Variants in TNFRSF8 observed in about 807,000 individuals in gnomAD.
The protein encoded by TNFRSF8 is TNF receptor superfamily member 8.
TNFRSF8 carries 26 observed loss-of-function variants against 70.8 expected under a neutral mutation model. The observed-to-expected ratio is 0.37, with a 90% CI of 0.27 to 0.51. The LOEUF is 0.51. Among genes scored for constraint, TNFRSF8 ranks in the 20% least tolerant of loss-of-function variants. TNFRSF8 has a pLI of 0.94. For synonymous variants in TNFRSF8, 356 were observed against 339.2 expected, an observed-to-expected ratio of 1.05 and a Z score of -0.54; for missense variants, 720 against 807.9, an observed-to-expected ratio of 0.89 and a Z score of 1.32.
rs115071460 is a variant in TNFRSF8 at position 12,113,316 on chromosome 1, C to T, written c.793+1302C>T. On this transcript the variant is annotated intron_variant, in intron 7 of 14. Coordinates refer to ENST00000263932, the MANE Select transcript of TNFRSF8 (RefSeq NM_001243.5). This position sits in a 1 kb window ranked among gnomAD's most constrained non-coding sequence, Gnocchi z 4.9. ...TGGTCTGGTGGTTAGGTTCTAAAGG[C>T]GAAGTCTTTTTCTCTTTTTTTCTTT... Among the ~76,000 whole-genome samples, 2,619 of 152,256 alleles carry T rather than the reference C, an allele frequency of 0.017. 81 individuals are homozygous for T. Among genetic ancestry groups the T allele is most frequent in the African/African-American group, 0.06 (2,488 of 41,548 alleles).
In TNFRSF8 at chr1:12,123,492, G is replaced by C. The variant is rs576286123; in HGVS notation, c.1040+115G>C. Reference sequence around the variant, plus strand: ...TGGGGGTGGAGGTGGGGCCTGGGCTGCTCTTTTGTTAAATGTGTGCCCATC... The same window carrying C: ...TGGGGGTGGAGGTGGGGCCTGGGCTCCTCTTTTGTTAAATGTGTGCCCATC... On this transcript the variant is annotated intron_variant, in intron 9 of 14. Coordinates refer to ENST00000263932, the MANE Select transcript of TNFRSF8 (RefSeq NM_001243.5). 153 of 1,082,214 alleles carry C rather than the reference G, an allele frequency of 1.4e-4. 2 individuals carry two copies. The African/African-American group carries it at 2.2e-3, about 15-fold the overall frequency. 67.0% of individuals were successfully genotyped at this position (1,082,214 alleles called of 1,614,324 possible).
chr1:12,104,262 C>T (rs1641476180), intron 3 of TNFRSF8, 117 bp from the exon 4 acceptor site: 1 of 1,091,500 alleles, frequency 9.2e-7, no homozygotes, highest in Admixed American at 1.9e-5. Flanking sequence ...GGGGGTTGAG[C>T]TGGGAGGCGG....
At position 12,127,748 on chromosome 1, in the gene TNFRSF8, G is replaced by A. The variant is rs116509731; in HGVS notation, c.1309+1512G>A. ...GGCTGAGTGTCTCATTGAAACCGGC[G>A]TTTGCTTTCTTGACATTTTTCTAGT... On this transcript the variant is annotated intron_variant, in intron 12 of 14. Transcript: ENST00000263932. Among the ~76,000 whole-genome samples, 1,083 of 152,254 alleles carry A rather than the reference G, an allele frequency of 7.1e-3. 12 individuals carry two copies. Among genetic ancestry groups the A allele is most frequent in the African/African-American group, 0.025 (1,044 of 41,522 alleles).
At chr1:12,139,559 C>T (rs1015300437) in intron 14 of TNFRSF8, among the ~76,000 whole-genome samples, 1 of 152,194 alleles carries the variant, frequency 6.6e-6, no homozygotes, top group South Asian at 2.1e-4. Context: ...TGTTTATAGC[C>T]TTCCTCCACC....
intron 1 of TNFRSF8, among the ~76,000 whole-genome samples, chr1:12,072,954 C>T (rs1001215929): frequency 6.6e-6 from 1 of 152,226 alleles, no homozygotes; most frequent in East Asian, 1.9e-4. Flanking sequence ...ATGTGCCCTG[C>T]CCCTTCCCCA....
At chr1:12,114,691 A>T (rs1031299084) in intron 7 of TNFRSF8, among the ~76,000 whole-genome samples, 2 of 133,244 alleles carry the variant, frequency 1.5e-5, no homozygotes. Flanking sequence ...GAGGAAAAAA[A>T]ATCTTTTTTT....
chr1:12,134,770 A>G (rs1016053016), intron 12 of TNFRSF8, among the ~76,000 whole-genome samples: 2 of 152,174 alleles, frequency 1.3e-5, no homozygotes, highest in East Asian at 3.9e-4. Context: ...CATCTGCAGG[A>G]TCCATCATCC....
chr1:12,123,628 G>C, intron 9 of TNFRSF8, 87 bp from the exon 10 acceptor site: 1 of 1,192,982 alleles, frequency 8.4e-7, no homozygotes, highest in Non-Finnish European at 1.2e-6. Flanking sequence ...CTCTGGTTGC[G>C]CAGTCTCCAG....
intron 1 of TNFRSF8, among the ~76,000 whole-genome samples, chr1:12,080,057 T>C (rs1011085991): frequency 6.6e-6 from 1 of 151,684 alleles, no homozygotes; most frequent in African/African-American, 2.4e-5. Context: ...CAAGGGATTC[T>C]CCCGCCTCAG....
chr1:12,124,209 A>G (rs1641888977), intron 10 of TNFRSF8, among the ~76,000 whole-genome samples: 1 of 151,716 alleles, frequency 6.6e-6, no homozygotes, highest in Admixed American at 6.6e-5. Context: ...GGGTTTTGCC[A>G]TGTTGTCCAG....
intron 4 of TNFRSF8, among the ~76,000 whole-genome samples, chr1:12,107,359 C>T (rs61123321): frequency 0.033 from 4,986 of 151,862 alleles, 312 homozygotes; most frequent in African/African-American, 0.11. Flanking sequence ...TGTGCCACTG[C>T]ACTCCAACCT....
rs1010093044 is a variant in TNFRSF8, at chr1:12,138,495, C to T, written c.1543+59C>T. The T allele has an allele frequency of 8.7e-5, 132 of 1,510,244 alleles. No homozygotes were observed. Among genetic ancestry groups the T allele is most frequent in the East Asian group, 7.5e-4 (32 of 42,592 alleles). The allele number at this position is 1,510,244 out of a possible 1,614,324, so 93.6% of individuals were successfully genotyped here. A position where few individuals can be genotyped will look rare whatever the true frequency, so the allele number is the denominator to read the frequency against. ...CCCAGGGGCAGATGGGAGATGAATA[C>T]GGGGCCCTGGGCCCTGGAAGGGACC... is the stretch of plus-strand genomic sequence containing the variant. On this transcript the variant is annotated intron_variant, in intron 14 of 14. Coordinates refer to ENST00000263932, the MANE Select transcript of TNFRSF8 (RefSeq NM_001243.5). This position sits in a 1 kb window ranked among gnomAD's most constrained non-coding sequence, Gnocchi z 5.7.
intron 12 of TNFRSF8, among the ~76,000 whole-genome samples, chr1:12,134,584 A>G (rs1642111248): frequency 6.6e-6 from 1 of 152,216 alleles, no homozygotes; most frequent in Non-Finnish European, 1.5e-5. Context: ...GCACCTCCTG[A>G]GCCTACAAAA....
Position 12,143,599 on chromosome 1 carries a change from C to T in TNFRSF8, c.*1068C>T, listed in dbSNP as rs933393830. 6 of 152,326 alleles carry T rather than the reference C, an allele frequency of 3.9e-5. No homozygotes were observed. The highest frequency in any genetic ancestry group is 1.4e-4 in the African/African-American group (6 of 41,466). 9.4% of individuals were successfully genotyped at this position (152,326 alleles called of 1,614,324 possible). A position where few individuals can be genotyped will look rare whatever the true frequency, so the allele number is the denominator to read the frequency against. ...CGGCCTCACCCAGGCATCTGCTTTA[C>T]TCTGGACCATAGGAAACAAGACCGT... On this transcript the variant is annotated 3_prime_UTR_variant, in exon 15 of 15. Coordinates refer to ENST00000263932, the MANE Select transcript of TNFRSF8 (RefSeq NM_001243.5). This position sits in a 1 kb window ranked among gnomAD's most constrained non-coding sequence, Gnocchi z 4.1.
chr1:12,121,308 T>C (rs1641824541), intron 8 of TNFRSF8, among the ~76,000 whole-genome samples: 1 of 152,206 alleles, frequency 6.6e-6, no homozygotes, highest in African/African-American at 2.4e-5. Context: ...TGGCTTTACT[T>C]TTTTGTCTAT....
At chr1:12,140,776 C>T (rs959538064) in intron 14 of TNFRSF8, among the ~76,000 whole-genome samples, 1 of 152,200 alleles carries the variant, frequency 6.6e-6, no homozygotes, top group Admixed American at 6.5e-5. Flanking sequence ...GGCTCCTTCT[C>T]CCTAATCCAG....
intron 1 of TNFRSF8, among the ~76,000 whole-genome samples, chr1:12,079,127 C>CT (rs1407220715): frequency 6.6e-6 from 1 of 152,222 alleles, no homozygotes; most frequent in African/African-American, 2.4e-5. Context: ...AACTTCTAGA[C>CT]TCGTCTCCCA....
At chr1:12,136,051 G>T (rs1018658242) in intron 13 of TNFRSF8, among the ~76,000 whole-genome samples, 1 of 152,000 alleles carries the variant, frequency 6.6e-6, no homozygotes, top group Non-Finnish European at 1.5e-5. Flanking sequence ...TGACAGAGCA[G>T]GTGGCTATGG....
chr1:12,096,231 A>G (rs1284051078), intron 2 of TNFRSF8, among the ~76,000 whole-genome samples: 1 of 152,122 alleles, frequency 6.6e-6, no homozygotes, highest in Non-Finnish European at 1.5e-5. Context: ...TCATGTGCTC[A>G]TCCTGGAAGC....
Sources: allele counts gnomAD v4.1 joint callset (sites outside exome capture counted in the v4.1 genomes callset), GRCh38; gene constraint gnomAD v4.1.1; non-coding constraint Gnocchi (gnomAD v3.1); transcripts MANE v1.5; gene names NCBI Gene and HGNC (gene_info 2026-07-23, HGNC 2026-07-21).